Variants in AASDH observed in about 807,000 individuals in gnomAD.
The protein encoded by AASDH is aminoadipate-semialdehyde dehydrogenase.
In AASDH, 81 loss-of-function variants were observed where a neutral mutation model predicts 102.3. The observed-to-expected ratio is 0.79, with a 90% confidence interval of 0.66 to 0.95. The LOEUF is 0.95. AASDH is among the 40% of genes least tolerant of loss of function. The pLI, the probability that AASDH is intolerant of heterozygous loss-of-function variation, is 0.00. For synonymous variants in AASDH, 398 were observed against 454.0 expected, an observed-to-expected ratio of 0.88 and a Z score of 1.57; for missense variants, 1,203 against 1,266.2, an observed-to-expected ratio of 0.95 and a Z score of 0.76.
chr4:56,362,547 G>A (rs377418424), intron 5 of AASDH, among the ~76,000 whole-genome samples: 29 of 152,158 alleles, frequency 1.9e-4, no homozygotes, highest in African/African-American at 6.5e-4. Flanking sequence ...TTACAGGCGT[G>A]AGCCACCGTG....
intron 5 of AASDH, among the ~76,000 whole-genome samples, 178 bp downstream of exon 5, chr4:56,371,273 T>C (rs978174110): frequency 6.6e-6 from 1 of 152,214 alleles, no homozygotes; most frequent in African/African-American, 2.4e-5. Context: ...AATTCATTTA[T>C]CTTTTTTCAT....
In AASDH at chr4:56,354,139, T is replaced by C; in HGVS notation, c.1283A>G (p.Asp428Gly). 6.2e-7 allele frequency: 1 copy of C among 1,613,124 alleles called. No homozygotes were observed. Among genetic ancestry groups the C allele is most frequent in the Non-Finnish European group, 8.5e-7 (1 of 1,179,424 alleles). ...VPLGTMRATG[D>G]FVTVKDGEIF... ...CTCTCCATCTTTCACAGTCACAAAG[T>C]CTCCTGTAGCTCGCATTGTGCCAAG... The change falls in exon 8 of 15, where the codon GAC (aspartate) becomes GGC (glycine). Residue 428 changes from aspartate (D) to glycine (G), a missense_variant. Coordinates refer to ENST00000205214, the MANE Select transcript of AASDH (RefSeq NM_181806.4).
In AASDH at chr4:56,354,212, CT is replaced by C; in HGVS notation, c.1211-2del. The C allele has an allele frequency of 1.3e-6, 2 of 1,559,994 alleles. No individual in the cohort carries two copies. Among genetic ancestry groups the C allele is most frequent in the African/African-American group, 1.4e-5 (1 of 73,564 alleles). On this transcript the variant is annotated splice_acceptor_variant, in intron 7 of 14. Coordinates refer to ENST00000205214, the MANE Select transcript of AASDH (RefSeq NM_181806.4). LOFTEE classifies it high-confidence loss of function. ...AGAAAACACACTCTGTTTCTGCCAC[CT>C]TCCCAAGATATAAACACCAATGTCA...
chr4:56,350,147 T>G, intron 10 of AASDH, 89 bp from the exon 11 acceptor site: 39 of 1,063,810 alleles, frequency 3.7e-5, no homozygotes, highest in Non-Finnish European at 4.6e-5. Flanking sequence ...GAGATGAGAG[T>G]ACCTACATTA....
At chr4:56,356,233 A>C in intron 5 of AASDH, 1 of 787,248 alleles carries the variant, frequency 1.3e-6, no homozygotes, top group Non-Finnish European at 2.2e-6. Flanking sequence ...TGTTTGAGAA[A>C]AGGCCTAAGA....
chr4:56,382,670 T>C (rs554467194), intron 2 of AASDH, 73 bp from the exon 3 acceptor site: 2 of 1,495,976 alleles, frequency 1.3e-6, no homozygotes, highest in East Asian at 2.4e-5. Context: ...TCTATTTCTC[T>C]ATGCACTTTA....
chr4:56,378,560 T>C (rs972622223), intron 3 of AASDH, 96 bp from the exon 4 acceptor site: 6 of 1,079,162 alleles, frequency 5.6e-6, no homozygotes, highest in Non-Finnish European at 6.5e-6. Context: ...TCCCTCAGTA[T>C]CCTTGGGGGA....
In AASDH at chr4:56,378,473, A is replaced by T. The variant is rs1752606378; in HGVS notation, c.352-9T>A. 1 of 1,576,102 alleles carries T rather than the reference A, an allele frequency of 6.3e-7. No individual in the cohort carries two copies. Among genetic ancestry groups the T allele is most frequent in the African/African-American group, 1.4e-5 (1 of 73,064 alleles). Reference sequence around the variant, plus strand: ...TGAAAAGATTTAAATTTCTGTGTGAAATGGGGGACAAAGTTTACAGTATTA... The same window carrying T: ...TGAAAAGATTTAAATTTCTGTGTGATATGGGGGACAAAGTTTACAGTATTA... On this transcript the variant is annotated splice_polypyrimidine_tract_variant and intron_variant, in intron 3 of 14. Coordinates refer to ENST00000205214, the MANE Select transcript of AASDH (RefSeq NM_181806.4).
Position 56,378,219 on chromosome 4 carries a change from T to C in AASDH, c.597A>G (p.Ser199=), listed in dbSNP as rs766230099. The C allele has an allele frequency of 6.2e-7, 1 of 1,614,152 alleles. No homozygotes were observed. The highest frequency in any genetic ancestry group is 8.5e-7 in the Non-Finnish European group (1 of 1,180,014). Residue 199 remains serine (S), a synonymous_variant, in exon 4 of 15, where the codon TCA becomes TCG. Transcript: ENST00000205214. ...CAATCTTCGGTATCCCTGTAGTCCC[T>C]GATGTATGTAGAACATAGGCTAAGC... is the stretch of plus-strand genomic sequence containing the variant. The part of the protein sequence containing the change: ...KHCLAYVLHT[S]GTTGIPKIVR...
intron 4 of AASDH, among the ~76,000 whole-genome samples, chr4:56,374,453 A>C (rs1752128298): frequency 6.6e-6 from 1 of 151,976 alleles, no homozygotes. Context: ...GACTGAAAGC[A>C]GAAACTTCAG....
At chr4:56,382,635 T>A in intron 2 of AASDH, 38 bp from the exon 3 acceptor site, 1 of 1,581,274 alleles carries the variant, frequency 6.3e-7, no homozygotes, top group East Asian at 2.3e-5. Context: ...AGAATGTCTG[T>A]TGATTTAGTA....
At chr4:56,382,276 G>T in intron 3 of AASDH, 1 of 483,328 alleles carries the variant, frequency 2.1e-6, no homozygotes, top group Non-Finnish European at 3.5e-6. Flanking sequence ...AGCGAGTGGA[G>T]GTCAAATATA....
At chr4:56,368,636 G>T (rs145902521) in intron 5 of AASDH, among the ~76,000 whole-genome samples, 1 of 146,626 alleles carries the variant, frequency 6.8e-6, no homozygotes, top group East Asian at 2.1e-4. Flanking sequence ...ACCAAACACC[G>T]CATGTTCTCA....
rs560919299 is a variant in AASDH, at chr4:56,340,077, G to GAGAA, written c.2908-1290_2908-1287dup. ...CTAGCTATTCAGGAGGCTGAGGCAG[G>GAGAA]AGAATGGCTTGAACCCGGGAGGCAG... is the stretch of plus-strand genomic sequence containing the variant. On this transcript the variant is annotated intron_variant, in intron 14 of 14. Coordinates refer to ENST00000205214, the MANE Select transcript of AASDH (RefSeq NM_181806.4). Among the ~76,000 whole-genome samples the GAGAA allele has an allele frequency of 7.0e-3, 1,059 of 152,298 alleles. 15 individuals are homozygous for GAGAA. Among genetic ancestry groups the GAGAA allele is most frequent in the African/African-American group, 0.024 (1,004 of 41,550 alleles).
chr4:56,370,998 A>G (rs1751635073), intron 5 of AASDH, among the ~76,000 whole-genome samples: 1 of 152,236 alleles, frequency 6.6e-6, no homozygotes, highest in South Asian at 2.1e-4. Flanking sequence ...TTTAAATAAC[A>G]TTTTAAAAGG....
At chr4:56,381,685 G>A (rs1443615573) in intron 3 of AASDH, 1 of 83,002 alleles carries the variant, frequency 1.2e-5, no homozygotes, top group East Asian at 2.8e-4. Flanking sequence ...ACAGTTGGGG[G>A]GGGTGAAAGC....
intron 11 of AASDH, among the ~76,000 whole-genome samples, chr4:56,348,056 C>T (rs1366830507): frequency 6.6e-6 from 1 of 151,340 alleles, no homozygotes; most frequent in Non-Finnish European, 1.5e-5. Context: ...GGGGCTGAGG[C>T]AGGAGAATCA....
In AASDH at chr4:56,372,070, C is replaced by T. The variant is rs116529626; in HGVS notation, c.669-427G>A. 9.5e-3 allele frequency among the ~76,000 whole-genome samples: 1,447 copies of T among 152,336 alleles called. 10 individuals carry two copies. The highest frequency in any genetic ancestry group is 0.02 in the Middle Eastern group (6 of 294). On this transcript the variant is annotated intron_variant, in intron 4 of 14. Transcript: ENST00000205214. ...TCAATCAAACCCTGTAGTCCCTAAT[C>T]AGCTGATTTACTTAATCAAAAGGGA...
chr4:56,386,988 GATAA>G (rs749019956), intron 1 of AASDH, among the ~76,000 whole-genome samples: 15 of 152,210 alleles, frequency 9.9e-5, no homozygotes, highest in East Asian at 9.7e-4. Flanking sequence ...TTTAAAAATG[GATAA>G]ATAATCTAGA....
Sources: gnomAD v4.1 joint callset for allele counts (sites outside exome capture counted in the v4.1 genomes callset) on GRCh38, gnomAD v4.1.1 for gene constraint, MANE v1.5 for transcripts, NCBI Gene and HGNC (gene_info 2026-07-23, HGNC 2026-07-21) for gene names.